FAM135B: variants seen among roughly 807,000 people sequenced by gnomAD.
FAM135B encodes the protein protein FAM135B.
A neutral mutation model predicts 127.7 loss-of-function variants in FAM135B; 43 were observed. The ratio of observed to expected loss-of-function variants is 0.34; its 90% CI spans 0.26 to 0.43. The LOEUF is 0.43. FAM135B is among the 20% of genes least tolerant of loss of function. The pLI is 1.00. For missense variants in FAM135B, 1,558 were observed against 1,725.6 expected, an observed-to-expected ratio of 0.90 and a Z score of 1.72; for synonymous variants, 670 against 665.1, an observed-to-expected ratio of 1.01 and a Z score of -0.11.
At chr8:138,332,980 A>AGC (rs1442907780) in intron 2 of FAM135B, among the ~76,000 whole-genome samples, 2 of 147,628 alleles carry the variant, frequency 1.4e-5, no homozygotes, top group South Asian at 2.1e-4. Flanking sequence ...GGATTTGGAA[A>AGC]GCGCACACAC....
intron 2 of FAM135B, among the ~76,000 whole-genome samples, chr8:138,343,018 T>A (rs573537867): frequency 5.3e-5 from 8 of 152,268 alleles, no homozygotes; most frequent in Non-Finnish European, 1.0e-4. Context: ...TTACATTCCA[T>A]GCTTCAATAG....
chr8:138,171,553 T>C (rs553027938), intron 11 of FAM135B, among the ~76,000 whole-genome samples: 1 of 152,356 alleles, frequency 6.6e-6, no homozygotes, highest in Admixed American at 6.5e-5. Flanking sequence ...ATGCCTCCCA[T>C]ACAGTGAACA....
At chr8:138,369,948 T>G (rs2131228729) in intron 1 of FAM135B, among the ~76,000 whole-genome samples, 1 of 152,246 alleles carries the variant, frequency 6.6e-6, no homozygotes, top group Non-Finnish European at 1.5e-5. Flanking sequence ...GAGGAGAATA[T>G]CTAGAAAGAG....
intron 1 of FAM135B, among the ~76,000 whole-genome samples, chr8:138,472,149 G>A (rs1229927446): frequency 1.3e-5 from 2 of 152,072 alleles, no homozygotes; most frequent in African/African-American, 4.8e-5. Context: ...GAGACAGGAG[G>A]GGACAAAGTG....
chr8:138,154,451 T>C (rs985308964), intron 12 of FAM135B, among the ~76,000 whole-genome samples: 1 of 151,658 alleles, frequency 6.6e-6, no homozygotes, highest in Non-Finnish European at 1.5e-5. Flanking sequence ...CTTTGAGGAG[T>C]TGACGGAAGT....
intron 2 of FAM135B, among the ~76,000 whole-genome samples, chr8:138,332,983 G>GCA (rs59548249): frequency 0.018 from 2,577 of 145,318 alleles, 34 homozygotes; most frequent in South Asian, 0.052. Context: ...TTTGGAAAGC[G>GCA]CACACACACA....
intron 2 of FAM135B, among the ~76,000 whole-genome samples, chr8:138,312,402 G>A (rs966084185): frequency 6.6e-6 from 1 of 152,134 alleles, no homozygotes; most frequent in Non-Finnish European, 1.5e-5. Context: ...AGAGAGGAAA[G>A]CAGACAGGTT....
chr8:138,189,443 C>T (rs1227041835), intron 9 of FAM135B, among the ~76,000 whole-genome samples: 2 of 152,232 alleles, frequency 1.3e-5, no homozygotes, highest in African/African-American at 4.8e-5. Flanking sequence ...GCTGTTTTAC[C>T]GTCTGCCCTC....
At chr8:138,231,298 G>A (rs1018366584) in intron 7 of FAM135B, among the ~76,000 whole-genome samples, 1 of 152,116 alleles carries the variant, frequency 6.6e-6, no homozygotes, top group Non-Finnish European at 1.5e-5. Context: ...TGGGATTACA[G>A]GTGTGAGCCA....
chr8:138,169,019 A>G (rs969513811), intron 11 of FAM135B, among the ~76,000 whole-genome samples: 1 of 152,158 alleles, frequency 6.6e-6, no homozygotes, highest in Admixed American at 6.5e-5. Flanking sequence ...CTCTGCACAG[A>G]CTCAAAGCAA....
chr8:138,277,306 C>A (rs750500707), intron 3 of FAM135B, among the ~76,000 whole-genome samples: 3 of 152,118 alleles, frequency 2.0e-5, no homozygotes, highest in African/African-American at 7.2e-5. Flanking sequence ...TGCATGGACA[C>A]GGGAATTCCT....
At chr8:138,204,831 CAT>C (rs768914020) in intron 7 of FAM135B, among the ~76,000 whole-genome samples, 5 of 152,142 alleles carry the variant, frequency 3.3e-5, no homozygotes, top group African/African-American at 7.2e-5. Flanking sequence ...AAAAGCAAGA[CAT>C]ATTTTTTAAC....
At chr8:138,293,686 C>G (rs1208662530) in intron 3 of FAM135B, among the ~76,000 whole-genome samples, 2 of 152,044 alleles carry the variant, frequency 1.3e-5, no homozygotes, top group African/African-American at 2.4e-5. Context: ...CAAATTAAAA[C>G]TACAATGAGA....
At chr8:138,206,005 C>T (rs1422671100) in intron 7 of FAM135B, among the ~76,000 whole-genome samples, 3 of 151,688 alleles carry the variant, frequency 2.0e-5, no homozygotes, top group Admixed American at 2.0e-4. Context: ...TCACCTCGAC[C>T]TATGCAAGAC....
At chr8:138,322,933 A>G (rs1342933370) in intron 2 of FAM135B, among the ~76,000 whole-genome samples, 1 of 152,254 alleles carries the variant, frequency 6.6e-6, no homozygotes, top group Non-Finnish European at 1.5e-5. Flanking sequence ...CCAAAAGATA[A>G]GAAACAAAAA....
chr8:138,358,210 A>G (rs1830208258), intron 2 of FAM135B: 1 of 152,144 alleles, frequency 6.6e-6, no homozygotes, highest in African/African-American at 2.4e-5. Flanking sequence ...CCCACAACAC[A>G]TGGTGATTAT....
chr8:138,244,465 C>T (rs1441776280), intron 6 of FAM135B, among the ~76,000 whole-genome samples: 1 of 152,288 alleles, frequency 6.6e-6, no homozygotes, highest in African/African-American at 2.4e-5. Context: ...GATACCAGCA[C>T]CCTAGCCATT....
intron 1 of FAM135B, among the ~76,000 whole-genome samples, chr8:138,398,818 T>C (rs777682893): frequency 7.9e-5 from 12 of 152,210 alleles, no homozygotes; most frequent in Non-Finnish European, 1.5e-4. Flanking sequence ...ATACTCGGTC[T>C]TCATATATAT....
At chr8:138,226,175 G>C (rs999224905) in intron 7 of FAM135B, among the ~76,000 whole-genome samples, 2 of 144,278 alleles carry the variant, frequency 1.4e-5, no homozygotes, top group Admixed American at 1.4e-4. Flanking sequence ...GTGTGTGTGT[G>C]TGTGTGTGTG....
Sources: gnomAD v4.1 joint callset for allele counts (sites outside exome capture counted in the v4.1 genomes callset) on GRCh38, gnomAD v4.1.1 for gene constraint, MANE v1.5 for transcripts, NCBI Gene and HGNC (gene_info 2026-07-23, HGNC 2026-07-21) for gene names.